The following ATP2B4 variants were observed in gnomAD, a reference collection of about 807,000 sequenced individuals.
The protein encoded by ATP2B4 is ATPase plasma membrane Ca2+ transporting 4.
Under a neutral mutation model 110.3 loss-of-function variants are expected in ATP2B4, and 39 were observed. That is an observed-to-expected ratio of 0.35 (90% CI 0.27 to 0.46). The LOEUF is 0.46. Among genes scored for constraint, ATP2B4 ranks in the 20% least tolerant of loss-of-function variants. The probability of loss-of-function intolerance (pLI) is 1.00; values close to 1 mark genes in which losing one functional copy is unlikely to be tolerated. For synonymous variants in ATP2B4, 538 were observed against 571.7 expected, an observed-to-expected ratio of 0.94 and a Z score of 0.84; for missense variants, 1,135 against 1,530.9, an observed-to-expected ratio of 0.74 and a Z score of 4.32.
At chr1:203,691,946 A>C (rs945109318) in intron 2 of ATP2B4, among the ~76,000 whole-genome samples, 1 of 151,944 alleles carries the variant, frequency 6.6e-6, no homozygotes. Context: ...CAGTGGCGCA[A>C]TCTCAGCTCA....
chr1:203,674,312 A>G (rs1332293193), intron 1 of ATP2B4, among the ~76,000 whole-genome samples: 1 of 152,058 alleles, frequency 6.6e-6, no homozygotes, highest in Non-Finnish European at 1.5e-5. Context: ...TTCATCCTCT[A>G]CATTTTTTTG....
intron 15 of ATP2B4, among the ~76,000 whole-genome samples, chr1:203,718,071 A>G (rs1452882045): frequency 5.3e-5 from 8 of 152,156 alleles, no homozygotes; most frequent in African/African-American, 1.9e-4. Flanking sequence ...GGACAAAGCT[A>G]AGAAGTATGC....
At position 203,735,264 on chromosome 1, in the gene ATP2B4, A is replaced by G. The variant is rs1666850306; in HGVS notation, c.3310-4282A>G. 2.0e-5 allele frequency among the ~76,000 whole-genome samples: 3 copies of G among 152,236 alleles called. No individual in the cohort carries two copies. In the South Asian group the frequency reaches 6.2e-4, roughly 32 times the overall value. On this transcript the variant is annotated intron_variant, in intron 20 of 20. Coordinates refer to ENST00000357681, the MANE Select transcript of ATP2B4 (RefSeq NM_001684.5). ...GCAATTGGAGTATTATCAACTCACA[A>G]CCTAAGATCTGGTGTTCCCATTGGT...
intron 1 of ATP2B4, among the ~76,000 whole-genome samples, chr1:203,670,489 T>C (rs955197065): frequency 1.3e-5 from 2 of 152,236 alleles, no homozygotes; most frequent in African/African-American, 4.8e-5. Flanking sequence ...GAGTTCATAC[T>C]CTTAACCTAG....
In ATP2B4 at chr1:203,714,259, G is replaced by A. The variant is rs770596147; in HGVS notation, c.2388G>A (p.Ala796=). The A allele has an allele frequency of 1.8e-5, 29 of 1,614,000 alleles. No homozygotes were observed. Among genetic ancestry groups the A allele is most frequent in the East Asian group, 8.9e-5 (4 of 44,892 alleles). ...GTNDGPALKK[A]DVGFAMGIAG... ...ATGACGGGCCTGCTCTGAAGAAAGC[G>A]GATGTTGGTTTTGCCATGGTAAGCT... The change falls in exon 15 of 21, where the codon GCG becomes GCA. Residue 796 remains alanine, a synonymous_variant. Transcript: ENST00000357681.
At chr1:203,726,347 C>T (rs1558054030) in intron 19 of ATP2B4, among the ~76,000 whole-genome samples, 1 of 152,054 alleles carries the variant, frequency 6.6e-6, no homozygotes, top group South Asian at 2.1e-4. Context: ...GGATTACAGG[C>T]ATGAACCGCT....
intron 1 of ATP2B4, among the ~76,000 whole-genome samples, chr1:203,632,169 A>T (rs1663288502): frequency 1.3e-5 from 2 of 152,078 alleles, no homozygotes. Context: ...TTAAACAAAC[A>T]ATGGTACAGT....
intron 2 of ATP2B4, among the ~76,000 whole-genome samples, chr1:203,692,308 G>T (rs563254652): frequency 6.6e-6 from 1 of 152,266 alleles, no homozygotes; most frequent in South Asian, 2.1e-4. Context: ...CTCCTGAGTA[G>T]CTGGGACCAC....
intron 15 of ATP2B4, among the ~76,000 whole-genome samples, chr1:203,719,504 G>C (rs1666259319): frequency 6.6e-6 from 1 of 151,830 alleles, no homozygotes; most frequent in African/African-American, 2.4e-5. Flanking sequence ...GAGGTCAGGA[G>C]TTCAAGACCA....
chr1:203,721,977 G>A (rs1173401609), intron 17 of ATP2B4, among the ~76,000 whole-genome samples: 2 of 151,886 alleles, frequency 1.3e-5, no homozygotes, highest in Non-Finnish European at 2.9e-5. Context: ...TTTTTTTACA[G>A]ATTCAAAAAA....
At chr1:203,657,125 T>C (rs1384603949) in intron 1 of ATP2B4, 2 of 828,114 alleles carry the variant, frequency 2.4e-6, no homozygotes, top group African/African-American at 1.7e-5. Flanking sequence ...CCCACAGTTG[T>C]ATACGGTGGG....
At chr1:203,714,455 A>G (rs1158430477) in intron 15 of ATP2B4, among the ~76,000 whole-genome samples, 178 bp downstream of exon 15, 1 of 152,126 alleles carries the variant, frequency 6.6e-6, no homozygotes, top group East Asian at 1.9e-4. Context: ...GGGACCCATC[A>G]AGTATGAAGA....
rs1361564306 is a variant in ATP2B4 at position 203,739,792 on chromosome 1, T to G, written c.3556T>G (p.Cys1186Gly). The G allele has an allele frequency of 1.1e-5, 17 of 1,614,082 alleles. No individual in the cohort carries two copies. The highest frequency in any genetic ancestry group is 1.4e-5 in the Non-Finnish European group (17 of 1,180,034). ...YANTNNNAVD[C>G]NQVQLPQSDS... ...CAATACAAACAACAATGCGGTGGAT[T>G]GCAACCAAGTGCAGCTCCCCCAGTC... The change falls in exon 21 of 21, where the codon TGC (cysteine) becomes GGC (glycine). Residue 1186 changes from cysteine to glycine, a missense_variant. Cys to Gly is a radical substitution (Grantham distance 159, BLOSUM62 -3). Around this residue, in one of 9 missense-constraint regions of ATP2B4, gnomAD observed 92 missense variants for 82.5 expected, o/e 1.11. Coordinates refer to ENST00000357681, the MANE Select transcript of ATP2B4 (RefSeq NM_001684.5).
chr1:203,703,810 G>A lies in ATP2B4; in HGVS notation c.1096G>A (p.Ala366Thr). ...LTRLAVQIGK[A>T]GLLMSALTVF... ...TCGCCTGGCTGTTCAGATTGGGAAA[G>A]CCGGTGAGTAGGGTAGAGCCTCGTT... Residue 366 changes from alanine (A) to threonine (T), a missense_variant, in exon 8 of 21, where the codon GCC (alanine) becomes ACC (threonine). Coordinates refer to ENST00000357681, the MANE Select transcript of ATP2B4 (RefSeq NM_001684.5). 1 of 1,613,854 alleles carries A rather than the reference G, an allele frequency of 6.2e-7. No individual in the cohort carries two copies.
At chr1:203,728,859 CA>C (rs35173142) in intron 20 of ATP2B4, among the ~76,000 whole-genome samples, 70,528 of 141,042 alleles carry the variant, frequency 0.5, 17,533 homozygotes, top group Middle Eastern at 0.61. Context: ...CTCTGTCTCA[CA>C]AAAAAAAAAA....
At chr1:203,630,953 G>GTCCTCTT (rs1663250093) in intron 1 of ATP2B4, among the ~76,000 whole-genome samples, 1 of 152,212 alleles carries the variant, frequency 6.6e-6, no homozygotes, top group Admixed American at 6.5e-5. Flanking sequence ...CTCTCCTTGT[G>GTCCTCTT]TCCTCTTTCC....
At chr1:203,657,475 G>T (rs760442131) in intron 1 of ATP2B4, 2 of 784,832 alleles carry the variant, frequency 2.5e-6, no homozygotes, top group Non-Finnish European at 4.7e-6. Flanking sequence ...TCTCTGTCCA[G>T]CAGATAAGCA....
intron 10 of ATP2B4, among the ~76,000 whole-genome samples, chr1:203,708,992 A>G (rs970118781): frequency 6.6e-6 from 1 of 152,130 alleles, no homozygotes; most frequent in African/African-American, 2.4e-5. Flanking sequence ...CCCGGTCTCT[A>G]CTAAAAATAC....
intron 11 of ATP2B4, among the ~76,000 whole-genome samples, chr1:203,710,085 C>T (rs1405875544): frequency 3.3e-5 from 5 of 152,012 alleles, no homozygotes; most frequent in East Asian, 1.9e-4. Flanking sequence ...AGTGACTATT[C>T]GGCCAGGCGC....
Sources: gnomAD v4.1 joint callset for allele counts (sites outside exome capture counted in the v4.1 genomes callset) on GRCh38, gnomAD v4.1.1 for gene constraint, gnomAD v4.1.1 regional missense constraint, MANE v1.5 for transcripts, NCBI Gene and HGNC (gene_info 2026-07-23, HGNC 2026-07-21) for gene names.